The following CR2 variants were observed in gnomAD, a reference collection of about 807,000 sequenced individuals.
CR2 encodes the protein complement receptor type 2.
CR2 carries 96 observed loss-of-function variants against 123.0 expected under a neutral mutation model. That is an observed-to-expected ratio of 0.78 (90% CI 0.66 to 0.93). The LOEUF is 0.93. Ranked by LOEUF, CR2 falls within the 40% of genes least tolerant of loss-of-function variation. The pLI is 0.00. For synonymous variants in CR2, 484 were observed against 469.5 expected, an observed-to-expected ratio of 1.03 and a Z score of -0.40; for missense variants, 1,258 against 1,361.0, an observed-to-expected ratio of 0.92 and a Z score of 1.19.
rs777448119 is a variant in CR2 at position 207,475,193 on chromosome 1, G to C, written c.2693G>C (p.Gly898Ala). Residue 898 changes from glycine to alanine, a missense_variant, in exon 14 of 20, where the codon GGT becomes GCT. Transcript: ENST00000367057. ...RCHTDNTWVPGVPTCIKKAFI... is the reference protein window; with the variant it reads ...RCHTDNTWVPAVPTCIKKAFI... ...CATACTGATAACACATGGGTGCCAG[G>C]TGTGCCAACTTGTATCAAAAAAGGT... The C allele has an allele frequency of 2.5e-6, 4 of 1,613,998 alleles. No individual in the cohort carries two copies. The South Asian group carries it at 3.3e-5, about 13-fold the overall frequency.
intron 4 of CR2, 86 bp from the exon 5 acceptor site, chr1:207,469,064 T>A: frequency 2.2e-6 from 3 of 1,383,486 alleles, no homozygotes; most frequent in Non-Finnish European, 3.1e-6. Context: ...CTGATTGAAA[T>A]GAACTTGTCT....
chr1:207,476,957 T>G (rs529821347), intron 15 of CR2, among the ~76,000 whole-genome samples: 44 of 152,356 alleles, frequency 2.9e-4, no homozygotes, highest in African/African-American at 1.0e-3. Flanking sequence ...TTTCATTTAG[T>G]CTTCATGAGA....
intron 1 of CR2, among the ~76,000 whole-genome samples, chr1:207,463,987 C>T (rs1206314150): frequency 1.3e-5 from 2 of 152,140 alleles, no homozygotes; most frequent in African/African-American, 2.4e-5. Flanking sequence ...TTCCTCATGG[C>T]CCCCAATCCT....
Position 207,469,861 on chromosome 1 carries a change from T to C in CR2, c.984T>C (p.Asp328=). Residue 328 remains aspartate (D), a synonymous_variant, in exon 6 of 20, where the codon GAT becomes GAC. Coordinates refer to ENST00000367057, the MANE Select transcript of CR2 (RefSeq NM_001006658.3). ...AGAGCACTCTCCGTTGTACAGTTGA[T>C]AGTCAGAAGACTGGGACCTGGAGTG... ...IGESTLRCTV[D]SQKTGTWSGP... 5 of 1,614,040 alleles carry C rather than the reference T, an allele frequency of 3.1e-6. No homozygotes were observed. The highest frequency in any genetic ancestry group is 4.2e-6 in the Non-Finnish European group (5 of 1,179,964).
At chr1:207,457,878 T>A (rs1006551017) in intron 1 of CR2, among the ~76,000 whole-genome samples, 1 of 152,176 alleles carries the variant, frequency 6.6e-6, no homozygotes. Flanking sequence ...TCAACTCATC[T>A]TGTCTCATGG....
intron 18 of CR2, among the ~76,000 whole-genome samples, chr1:207,483,054 G>T (rs904724121): frequency 1.3e-5 from 2 of 152,152 alleles, no homozygotes; most frequent in Non-Finnish European, 2.9e-5. Flanking sequence ...ATACCGTCAG[G>T]TGTTGGCCTC....
At position 207,473,107 on chromosome 1, in the gene CR2, T is replaced by C. The variant is rs139608640; in HGVS notation, c.1906T>C (p.Leu636=). Residue 636 remains leucine, a synonymous_variant, in exon 10 of 20, where the codon TTG becomes CTG. Transcript: ENST00000367057. ...ATTCAAGTGTTATAGTGGATTTACT[T>C]TGAAGGGCAGTAGTCAGATTCGTTG... The part of the protein sequence containing the change: ...VTFKCYSGFT[L]KGSSQIRCKA... 4 of 1,614,006 alleles carry C rather than the reference T, an allele frequency of 2.5e-6. No homozygotes were observed. Among genetic ancestry groups the C allele is most frequent in the African/African-American group, 2.7e-5 (2 of 75,012 alleles).
Position 207,468,512 on chromosome 1 carries a change from T to G in CR2, c.446-15T>G. The G allele has an allele frequency of 1.2e-6, 2 of 1,613,454 alleles. No individual in the cohort carries two copies. Among genetic ancestry groups the G allele is most frequent in the Non-Finnish European group, 8.5e-7 (1 of 1,179,614 alleles). Reference sequence around the variant, plus strand: ...TCATCTGACGGCTTTTTTTTCCTGGTATGTGTGTGTAAAGTTTTCCCTCTC... The same window carrying G: ...TCATCTGACGGCTTTTTTTTCCTGGGATGTGTGTGTAAAGTTTTCCCTCTC... On this transcript the variant is annotated splice_polypyrimidine_tract_variant and intron_variant, in intron 2 of 19. Coordinates refer to ENST00000367057, the MANE Select transcript of CR2 (RefSeq NM_001006658.3).
At chr1:207,460,249 T>C (rs182568192) in intron 1 of CR2, among the ~76,000 whole-genome samples, 2 of 152,320 alleles carry the variant, frequency 1.3e-5, no homozygotes, top group South Asian at 2.1e-4. Flanking sequence ...AGTAAGCACT[T>C]GGAGACTTTT....
intron 19 of CR2, among the ~76,000 whole-genome samples, chr1:207,487,347 T>C (rs1348877783): frequency 5.3e-5 from 8 of 152,118 alleles, no homozygotes; most frequent in Admixed American, 6.5e-5. Context: ...AGTGCAGTGG[T>C]GTGATCTCAG....
rs1213662098 is a variant in CR2, at chr1:207,454,704, A to AGG, written c.58+231_58+232dup. 2 of 474,320 alleles carry AGG rather than the reference A, an allele frequency of 4.2e-6. No homozygotes were observed. Among genetic ancestry groups the AGG allele is most frequent in the Admixed American group, 8.0e-5 (2 of 24,996 alleles). 29.4% of individuals were successfully genotyped at this position (474,320 alleles called of 1,614,324 possible). On this transcript the variant is annotated intron_variant, in intron 1 of 19. Transcript: ENST00000367057. The surrounding 1 kb of genome is among the most constrained non-coding windows in gnomAD (Gnocchi z 4.3). ...TCCAGAATTGGAGGCTGCGCCACAG[A>AGG]GGGGCGCTGTCTGGTCGGCCCGGTG...
rs541121404 is a variant in CR2 at position 207,484,386 on chromosome 1, T to C, written c.3189-1078T>C. Among the ~76,000 whole-genome samples, 5 of 152,338 alleles carry C rather than the reference T, an allele frequency of 3.3e-5. No individual in the cohort carries two copies. In the South Asian group the frequency reaches 1.0e-3, roughly 32 times the overall value. On this transcript the variant is annotated intron_variant, in intron 18 of 19. Coordinates refer to ENST00000367057, the MANE Select transcript of CR2 (RefSeq NM_001006658.3). The stretch of plus-strand genomic sequence containing the variant: ...ATTTTCCAATAATTGATAAAGACAC[T>C]TGAATGGCCTGAAATGCTTTTTTAA...
At chr1:207,464,902 GT>G (rs1265831154) in intron 1 of CR2, among the ~76,000 whole-genome samples, 2 of 152,114 alleles carry the variant, frequency 1.3e-5, no homozygotes, top group South Asian at 2.1e-4. Context: ...TAGTTAAAGA[GT>G]TTTTTATTGT....
Position 207,476,290 on chromosome 1 carries a change from A to G in CR2, c.2773A>G (p.Asn925Asp), listed in dbSNP as rs751506325. The change falls in exon 15 of 20, where the codon AAC (asparagine) becomes GAC (aspartate). Residue 925 changes from asparagine to aspartate, a missense_variant. Physicochemically the swap from Asn to Asp is conservative, Grantham distance 23. Coordinates refer to ENST00000367057, the MANE Select transcript of CR2 (RefSeq NM_001006658.3). The part of the protein sequence containing the change: ...KTPNGNHTGG[N>D]IARFSPGMSI... ...CCCTAACGGGAACCATACTGGTGGA[A>G]ACATAGCTCGATTTTCTCCTGGAAT... The G allele has an allele frequency of 1.3e-5, 21 of 1,613,830 alleles. No homozygotes were observed. The African/African-American group carries it at 2.7e-4, about 21-fold the overall frequency.
chr1:207,478,544 A>AAAAG (rs1336011216), intron 16 of CR2, among the ~76,000 whole-genome samples: 9 of 145,976 alleles, frequency 6.2e-5, no homozygotes, highest in Non-Finnish European at 9.0e-5. Context: ...AAAAAAAAAA[A>AAAAG]AAAGAAAGAA....
intron 16 of CR2, among the ~76,000 whole-genome samples, chr1:207,478,887 G>GA (rs143541032): frequency 0.079 from 11,876 of 149,762 alleles, 662 homozygotes; most frequent in Admixed American, 0.11. Context: ...TACTTAGAGT[G>GA]AAAAAAAAAG....
At chr1:207,473,759 G>A (rs777875838) in intron 11 of CR2, 38 bp downstream of exon 11, 1 of 1,613,780 alleles carries the variant, frequency 6.2e-7, no homozygotes, top group Non-Finnish European at 8.5e-7. Flanking sequence ...TCTTTGATAT[G>A]AGACATCTAT....
At chr1:207,468,412 A>T (rs1315646205) in intron 2 of CR2, 115 bp from the exon 3 acceptor site, 3 of 1,015,076 alleles carry the variant, frequency 3.0e-6, no homozygotes, top group East Asian at 2.5e-5. Flanking sequence ...GGCCCAAGAC[A>T]ATTTTTCTTC....
chr1:207,471,438 G>A lies in CR2; in HGVS notation c.1509G>A (p.Gly503=), dbSNP rs1366650915. Residue 503 remains glycine (G), a synonymous_variant, in exon 9 of 20, where the codon GGG becomes GGA. Coordinates refer to ENST00000367057, the MANE Select transcript of CR2 (RefSeq NM_001006658.3). ...CTGTCTCTAGGTACAAGTTAAGTGGGAGTGTTTATCAGGAGTGTCAAGGCA... is the reference window on the plus strand; with the variant it reads ...CTGTCTCTAGGTACAAGTTAAGTGGAAGTGTTTATCAGGAGTGTCAAGGCA... ...SSCGEGYKLS[G]SVYQECQGTI... 17 of 1,612,602 alleles carry A rather than the reference G, an allele frequency of 1.1e-5. No individual in the cohort carries two copies. Among genetic ancestry groups the A allele is most frequent in the Non-Finnish European group, 1.4e-5 (17 of 1,178,858 alleles).
Sources: gnomAD v4.1 joint callset for allele counts (sites outside exome capture counted in the v4.1 genomes callset) on GRCh38, gnomAD v4.1.1 for gene constraint, Gnocchi (gnomAD v3.1) non-coding constraint, MANE v1.5 for transcripts, NCBI Gene and HGNC (gene_info 2026-07-23, HGNC 2026-07-21) for gene names.